The following USP33 variants were observed in gnomAD, a reference collection of about 807,000 sequenced individuals.
USP33 encodes the protein ubiquitin specific peptidase 33, also known as ubiquitin carboxyl-terminal hydrolase 33.
In USP33, 46 loss-of-function variants were observed where a neutral mutation model predicts 124.2. The ratio of observed to expected loss-of-function variants is 0.37; its 90% CI spans 0.29 to 0.47. The LOEUF is 0.47. Among genes scored for constraint, USP33 ranks in the 20% least tolerant of loss-of-function variants. The pLI is 0.99. For missense variants in USP33, 851 were observed against 1,070.6 expected, an observed-to-expected ratio of 0.79 and a Z score of 2.86; for synonymous variants, 350 against 352.3, an observed-to-expected ratio of 0.99 and a Z score of 0.07.
At chr1:77,752,613 T>C (rs954828244) in intron 1 of USP33, among the ~76,000 whole-genome samples, 2 of 152,210 alleles carry the variant, frequency 1.3e-5, no homozygotes, top group Non-Finnish European at 2.9e-5. Flanking sequence ...AGCTATTTAA[T>C]AGTTACATAT....
chr1:77,735,800 T>A (rs1678375591), intron 6 of USP33, among the ~76,000 whole-genome samples: 1 of 152,082 alleles, frequency 6.6e-6, no homozygotes, highest in Non-Finnish European at 1.5e-5. Flanking sequence ...CAAACAGACC[T>A]CAAAAGGCAA....
Position 77,721,882 on chromosome 1 carries a change from C to T in USP33, c.1606G>A (p.Val536Ile), listed in dbSNP as rs372902414. 9.6e-5 allele frequency: 154 copies of T among 1,610,838 alleles called. No individual in the cohort carries two copies. The highest frequency in any genetic ancestry group is 1.2e-4 in the Non-Finnish European group (147 of 1,179,286). ...CVPSWFWGPV[V>I]TLQDCLAAFF... ...GCAGCAAGACAATCTTGCAAGGTTA[C>T]TACTGGACCCCAAAACCAGCTAGGG... The change falls in exon 14 of 24, where the codon GTA becomes ATA. Residue 536 changes from valine (V) to isoleucine (I), a missense_variant. Transcript: ENST00000370794.
At chr1:77,750,522 T>C (rs1292531986) in intron 1 of USP33, among the ~76,000 whole-genome samples, 2 of 151,632 alleles carry the variant, frequency 1.3e-5, no homozygotes, top group African/African-American at 2.4e-5. Flanking sequence ...GTAGTTCCAC[T>C]GAGGCAGGAG....
intron 5 of USP33, among the ~76,000 whole-genome samples, 193 bp from the exon 6 acceptor site, chr1:77,736,351 G>C (rs1473111222): frequency 6.6e-6 from 1 of 152,138 alleles, no homozygotes; most frequent in African/African-American, 2.4e-5. Flanking sequence ...TAGGGTAATA[G>C]CATGTCAGTC....
chr1:77,754,482 C>T (rs372368078), intron 1 of USP33, among the ~76,000 whole-genome samples: 1 of 152,176 alleles, frequency 6.6e-6, no homozygotes, highest in South Asian at 2.1e-4. Flanking sequence ...ATAGTAAGTG[C>T]TCAGGGAGAC....
chr1:77,713,209 AG>A lies in USP33; in HGVS notation c.2287del (p.Leu763TyrfsTer69). On this transcript the variant is annotated frameshift_variant, in exon 20 of 24. Coordinates refer to ENST00000370794, the MANE Select transcript of USP33 (RefSeq NM_201624.3). LOFTEE classifies it high-confidence loss of function. ...GATTTAAAAAACAAACCTGCTATAT[AG>A]GTTATCCCAAATGTTCTGAGGCAGC... ...LMLPQNIWDNLYSRYGGGPAV... is the reference protein window; with the variant it reads ...LMLPQNIWDNXYSRYGGGPAV... The A allele has an allele frequency of 6.3e-7, 1 of 1,593,674 alleles. No homozygotes were observed. The highest frequency in any genetic ancestry group is 8.5e-7 in the Non-Finnish European group (1 of 1,174,254).
chr1:77,759,342 G>C (rs1196060399), intron 1 of USP33: 4 of 364,450 alleles, frequency 1.1e-5, no homozygotes, highest in African/African-American at 8.4e-5. Context: ...CGCTTCTCGG[G>C]CTCACCTGCA....
Position 77,739,436 on chromosome 1 carries a change from G to C in USP33, c.199-19C>G. 1 of 1,548,190 alleles carries C rather than the reference G, an allele frequency of 6.5e-7. No individual in the cohort carries two copies. The highest frequency in any genetic ancestry group is 2.1e-5 in the Admixed American group (1 of 47,954). ...TTGTCTCCTATATAATTTCACAGTA[G>C]AGGGAAAAGAGGAACCAAAATTACA... On this transcript the variant is annotated intron_variant, in intron 4 of 23. Transcript: ENST00000370794.
intron 1 of USP33, among the ~76,000 whole-genome samples, chr1:77,755,074 AG>A (rs1333676984): frequency 6.6e-6 from 1 of 152,248 alleles, no homozygotes; most frequent in Non-Finnish European, 1.5e-5. Flanking sequence ...GTTCTAACAG[AG>A]TCTCAAATAA....
At chr1:77,709,365 A>C in intron 21 of USP33, among the ~76,000 whole-genome samples, 1 of 152,032 alleles carries the variant, frequency 6.6e-6, no homozygotes, top group Non-Finnish European at 1.5e-5. Context: ...TATTTTTTAA[A>C]TTAGCTACAC....
chr1:77,708,815 G>A (rs1674919582), intron 21 of USP33, among the ~76,000 whole-genome samples: 1 of 151,910 alleles, frequency 6.6e-6, no homozygotes, highest in South Asian at 2.1e-4. Flanking sequence ...TCTTCTAATT[G>A]TATACTATTC....
At chr1:77,743,543 C>G (rs1341537526) in intron 1 of USP33, among the ~76,000 whole-genome samples, 1 of 152,074 alleles carries the variant, frequency 6.6e-6, no homozygotes, top group Admixed American at 6.6e-5. Context: ...GGGGCAAACA[C>G]AACTCACTGC....
chr1:77,738,544 G>A (rs2101537016), intron 5 of USP33, among the ~76,000 whole-genome samples: 1 of 151,874 alleles, frequency 6.6e-6, no homozygotes. Context: ...GCAGTGGCAA[G>A]GTCTCGGCTC....
At chr1:77,733,796 T>C (rs911167722) in intron 7 of USP33, among the ~76,000 whole-genome samples, 3 of 152,204 alleles carry the variant, frequency 2.0e-5, no homozygotes, top group Admixed American at 1.3e-4. Context: ...ACTCAACCTG[T>C]AGACATACGT....
intron 19 of USP33, among the ~76,000 whole-genome samples, chr1:77,714,235 G>A (rs374646712): frequency 2.0e-5 from 3 of 152,218 alleles, no homozygotes; most frequent in East Asian, 3.9e-4. Context: ...AAAATCACCA[G>A]CACAGGAATG....
intron 14 of USP33, 39 bp from the exon 15 acceptor site, chr1:77,721,244 C>T (rs1055075295): frequency 1.2e-6 from 2 of 1,610,726 alleles, no homozygotes; most frequent in Admixed American, 1.7e-5. Context: ...TTCAAATTAA[C>T]AGCAAATTGC....
chr1:77,753,703 G>T (rs1471857215), intron 1 of USP33, among the ~76,000 whole-genome samples: 1 of 151,750 alleles, frequency 6.6e-6, no homozygotes, highest in African/African-American at 2.4e-5. Context: ...CCAGTGGTAA[G>T]TTTCTTCTCT....
intron 8 of USP33, 75 bp downstream of exon 8, chr1:77,730,543 G>T: frequency 8.9e-7 from 1 of 1,126,386 alleles, no homozygotes; most frequent in South Asian, 2.5e-5. Flanking sequence ...TCCATAAATG[G>T]ACCTGCAACC....
At chr1:77,737,118 G>A (rs1243198565) in intron 5 of USP33, among the ~76,000 whole-genome samples, 1 of 151,418 alleles carries the variant, frequency 6.6e-6, no homozygotes, top group African/African-American at 2.4e-5. Context: ...AAATTTGAAA[G>A]TTCTCTTGTA....
Sources: allele counts gnomAD v4.1 joint callset (sites outside exome capture counted in the v4.1 genomes callset), GRCh38; gene constraint gnomAD v4.1.1; transcripts MANE v1.5; gene names NCBI Gene and HGNC (gene_info 2026-07-23, HGNC 2026-07-21).